The following SATB2 variants were observed in gnomAD, a reference collection of about 807,000 sequenced individuals.
The protein encoded by SATB2 is SATB homeobox 2, also known as DNA-binding protein SATB2.
Under a neutral mutation model 73.4 loss-of-function variants are expected in SATB2, and 1 was observed. That is an observed-to-expected ratio of 0.01 (90% CI 0.00 to 0.06). SATB2 has a LOEUF of 0.06. Among genes scored for constraint, SATB2 ranks in the 10% least tolerant of loss-of-function variants. The pLI, the probability that SATB2 is intolerant of heterozygous loss-of-function variation, is 1.00. For missense variants in SATB2, 459 were observed against 945.8 expected (o/e 0.49, Z 6.75); for synonymous variants, 397 against 367.0 (o/e 1.08, Z -0.93).
intron 8 of SATB2, among the ~76,000 whole-genome samples, chr2:199,327,906 A>AT (rs1688075633): frequency 6.6e-6 from 1 of 151,990 alleles, no homozygotes; most frequent in Non-Finnish European, 1.5e-5. Flanking sequence ...GTGTTCCTCC[A>AT]TTTTGTCTTT....
chr2:199,298,477 T>C (rs1412674211), intron 10 of SATB2, among the ~76,000 whole-genome samples: 1 of 152,190 alleles, frequency 6.6e-6, no homozygotes, highest in African/African-American at 2.4e-5. Flanking sequence ...TAAAATAAAT[T>C]ATATTTCCAT....
At chr2:199,362,148 T>C (rs1357006804) in intron 6 of SATB2, among the ~76,000 whole-genome samples, 1 of 152,200 alleles carries the variant, frequency 6.6e-6, no homozygotes, top group Non-Finnish European at 1.5e-5. Context: ...GCACCTGTTA[T>C]ATTATAGTAT....
intron 2 of SATB2, among the ~76,000 whole-genome samples, chr2:199,452,941 C>T (rs1026372816): frequency 5.3e-5 from 8 of 152,032 alleles, no homozygotes; most frequent in Non-Finnish European, 1.0e-4. Flanking sequence ...TCTTCTAAAG[C>T]TAACCACATA....
At chr2:199,326,860 A>C (rs1369445560) in intron 8 of SATB2, among the ~76,000 whole-genome samples, 1 of 152,204 alleles carries the variant, frequency 6.6e-6, no homozygotes, top group East Asian at 1.9e-4. Flanking sequence ...ACTAAAACTC[A>C]TAATTCACTA....
At chr2:199,447,274 A>C (rs1268469105) in intron 2 of SATB2, among the ~76,000 whole-genome samples, 7 of 152,228 alleles carry the variant, frequency 4.6e-5, no homozygotes, top group Non-Finnish European at 8.8e-5. Flanking sequence ...AGCAATGTTA[A>C]GGACATCGAT....
intron 6 of SATB2, among the ~76,000 whole-genome samples, chr2:199,368,036 G>A (rs1023442712): frequency 2.0e-5 from 3 of 151,806 alleles, no homozygotes; most frequent in Admixed American, 6.6e-5. Context: ...TTTAGTCCTC[G>A]CATCTACCCA....
intron 10 of SATB2, among the ~76,000 whole-genome samples, chr2:199,289,990 C>T (rs2105740360): frequency 6.6e-6 from 1 of 152,348 alleles, no homozygotes; most frequent in East Asian, 1.9e-4. Context: ...TAAAGGCCCT[C>T]AGTGGCCTTC....
Position 199,281,296 on chromosome 2 carries a change from A to C in SATB2, c.1741-8624T>G, listed in dbSNP as rs1443916786. On this transcript the variant is annotated intron_variant, in intron 10 of 10. Transcript: ENST00000417098. Reference sequence around the variant, plus strand: ...TGTGTGTGTGTGTGTATATATACATATATATGAGAAATCATTAAGGAGGTG... The same window carrying C: ...TGTGTGTGTGTGTGTATATATACATCTATATGAGAAATCATTAAGGAGGTG... Among the ~76,000 whole-genome samples the C allele has an allele frequency of 1.2e-4, 18 of 151,736 alleles. 1 individual carries two copies. The highest frequency in any genetic ancestry group is 1.2e-3 in the Admixed American group (18 of 15,204).
intron 7 of SATB2, among the ~76,000 whole-genome samples, chr2:199,340,368 G>C (rs1032089149): frequency 6.6e-6 from 1 of 152,144 alleles, no homozygotes; most frequent in African/African-American, 2.4e-5. Flanking sequence ...TCCCAAGCAA[G>C]GCCTTTGATG....
At chr2:199,275,666 TAGTC>T (rs145452369) in intron 10 of SATB2, among the ~76,000 whole-genome samples, 2,785 of 152,218 alleles carry the variant, frequency 0.018, 38 homozygotes, top group Non-Finnish European at 0.03. Flanking sequence ...AGAGAAGTAA[TAGTC>T]AGAGAAATTA....
chr2:199,333,242 G>A (rs1230220634), intron 7 of SATB2, among the ~76,000 whole-genome samples: 1 of 151,994 alleles, frequency 6.6e-6, no homozygotes, highest in Non-Finnish European at 1.5e-5. Flanking sequence ...GACTTAATAA[G>A]GGACAGATTC....
chr2:199,366,337 T>A (rs943175608), intron 6 of SATB2, among the ~76,000 whole-genome samples: 2 of 152,070 alleles, frequency 1.3e-5, no homozygotes, highest in Non-Finnish European at 2.9e-5. Context: ...TACTTTCCCA[T>A]GAGAAATGAG....
chr2:199,444,701 T>C (rs1395110315), intron 2 of SATB2, among the ~76,000 whole-genome samples: 2 of 152,166 alleles, frequency 1.3e-5, no homozygotes, highest in African/African-American at 4.8e-5. Context: ...GTTAACTTAA[T>C]AGTATACGTT....
intron 2 of SATB2, among the ~76,000 whole-genome samples, chr2:199,437,926 A>G (rs896538817): frequency 7.9e-5 from 12 of 152,192 alleles, no homozygotes; most frequent in African/African-American, 2.9e-4. Context: ...CAACTGGCTT[A>G]AAGTGTTTAA....
rs377312201 is a variant in SATB2 at position 199,296,465 on chromosome 2, T to C, written c.1740+12295A>G. 2.6e-5 allele frequency among the ~76,000 whole-genome samples: 4 copies of C among 152,150 alleles called. No individual in the cohort carries two copies. In the East Asian group the frequency reaches 7.8e-4, roughly 30 times the overall value. On this transcript the variant is annotated intron_variant, in intron 10 of 10. Coordinates refer to ENST00000417098, the MANE Select transcript of SATB2 (RefSeq NM_001172509.2). Reference sequence around the variant, plus strand: ...CAGCACTTTGGGAGGCCGAGGCAGGTAGACTGCTTGAGTCCAGGAGTTCGA... The same window carrying C: ...CAGCACTTTGGGAGGCCGAGGCAGGCAGACTGCTTGAGTCCAGGAGTTCGA...
chr2:199,289,602 T>TACTTTCAATGTGAAAG (rs1477786109), intron 10 of SATB2, among the ~76,000 whole-genome samples: 1 of 152,198 alleles, frequency 6.6e-6, no homozygotes, highest in African/African-American at 2.4e-5. Flanking sequence ...TGTCAAGTTA[T>TACTTTCAATGTGAAAG]TATACTTTCA....
chr2:199,301,722 G>C (rs1020671346), intron 10 of SATB2, among the ~76,000 whole-genome samples: 2 of 152,232 alleles, frequency 1.3e-5, no homozygotes, highest in Admixed American at 1.3e-4. Flanking sequence ...ACGAACCGTG[G>C]GCAGGCCAAG....
At chr2:199,380,608 T>C in intron 4 of SATB2, 121 bp from the exon 5 acceptor site, 1 of 1,277,376 alleles carries the variant, frequency 7.8e-7, no homozygotes, top group Non-Finnish European at 1.1e-6. Flanking sequence ...TGCTAAAGAA[T>C]GGGGTCTAAG....
In SATB2 at chr2:199,272,229, G is replaced by A. The variant is rs1012177833; in HGVS notation, c.2184C>T (p.Ala728=). 3.1e-6 allele frequency: 5 copies of A among 1,614,048 alleles called. No homozygotes were observed. The highest frequency in any genetic ancestry group is 2.2e-5 in the East Asian group (1 of 44,884). ...GTTCACATTATCTCTGGTCAATTTCGGCAGGTGCTGCCTTGCTTTTGTCAG... is the reference window on the plus strand; with the variant it reads ...GTTCACATTATCTCTGGTCAATTTCAGCAGGTGCTGCCTTGCTTTTGTCAG... ...ENADKSKAAP[A]EIDQR The change falls in exon 11 of 11, where the codon GCC becomes GCT. Residue 728 remains alanine, a synonymous_variant. Coordinates refer to ENST00000417098, the MANE Select transcript of SATB2 (RefSeq NM_001172509.2). The surrounding 1 kb of genome is among the most constrained non-coding windows in gnomAD (Gnocchi z 6.7).
Sources: allele counts gnomAD v4.1 joint callset (sites outside exome capture counted in the v4.1 genomes callset), GRCh38; gene constraint gnomAD v4.1.1; non-coding constraint Gnocchi (gnomAD v3.1); transcripts MANE v1.5; gene names NCBI Gene and HGNC (gene_info 2026-07-23, HGNC 2026-07-21).